Variants in WWOX observed in about 807,000 individuals in gnomAD.
WWOX encodes WW domain containing oxidoreductase.
In WWOX, 69 loss-of-function variants were observed where a neutral mutation model predicts 46.2. That is an observed-to-expected ratio of 1.49 (90% CI 1.23 to 1.82). WWOX has a LOEUF of 1.82. Ranked by LOEUF, WWOX falls within the 40% of genes most tolerant of loss-of-function variation. WWOX has a pLI of 0.00. For missense variants in WWOX, 919 were observed against 542.6 expected, an observed-to-expected ratio of 1.69 and a Z score of -6.89; for synonymous variants, 359 against 202.6, an observed-to-expected ratio of 1.77 and a Z score of -6.56.
intron 6 of WWOX, among the ~76,000 whole-genome samples, chr16:78,401,081 A>G (rs932218309): frequency 2.0e-5 from 3 of 152,212 alleles, no homozygotes. Context: ...CTGCCTCCCA[A>G]AATACTGGGA....
intron 5 of WWOX, among the ~76,000 whole-genome samples, chr16:78,257,803 C>A (rs998716595): frequency 6.6e-6 from 1 of 152,198 alleles, no homozygotes; most frequent in Non-Finnish European, 1.5e-5. Context: ...AAACTCTTAG[C>A]CTTCTAAGAC....
chr16:78,121,892 A>G (rs1459506900), intron 4 of WWOX, among the ~76,000 whole-genome samples: 12 of 152,056 alleles, frequency 7.9e-5, no homozygotes, highest in Admixed American at 7.9e-4. Context: ...AACTCCTGAC[A>G]TTAGGCAATC....
chr16:78,979,424 G>A (rs1015706081), intron 8 of WWOX, among the ~76,000 whole-genome samples: 6 of 152,074 alleles, frequency 3.9e-5, no homozygotes, highest in African/African-American at 7.3e-5. Context: ...TGTCTGTCTC[G>A]GAATACGTAC....
At chr16:78,176,277 G>A (rs2035341928) in intron 5 of WWOX, among the ~76,000 whole-genome samples, 2 of 152,178 alleles carry the variant, frequency 1.3e-5, no homozygotes, top group Non-Finnish European at 2.9e-5. Flanking sequence ...TTGGCAGTGA[G>A]ACTGGCCCCA....
In WWOX at chr16:79,212,250, G is replaced by T; in HGVS notation, c.*454G>T. 7.5e-7 allele frequency: 1 copy of T among 1,332,180 alleles called. No individual in the cohort carries two copies. Among genetic ancestry groups the T allele is most frequent in the Non-Finnish European group, 9.9e-7 (1 of 1,006,996 alleles). The allele number at this position is 1,332,180 out of a possible 1,614,324, so 82.5% of individuals were successfully genotyped here. On this transcript the variant is annotated 3_prime_UTR_variant, in exon 9 of 9. Coordinates refer to ENST00000566780, the MANE Select transcript of WWOX (RefSeq NM_016373.4). ...ACTGCTCCTTGCTGCATTGATCCAG[G>T]AGATAATTGTTTCATTCATCCTGAC...
At chr16:78,108,904 C>G (rs1003773119) in intron 2 of WWOX, among the ~76,000 whole-genome samples, 6 of 152,302 alleles carry the variant, frequency 3.9e-5, no homozygotes, top group South Asian at 2.1e-4. Context: ...ACGAGAAGTG[C>G]TCAAACCCAG....
rs192165207 is a variant in WWOX at position 78,168,890 on chromosome 16, G to A, written c.516+4601G>A. ...ACTACTAATTATTTCATGGGAAAAT[G>A]CCCTCCTGCTGAGATGTTTTAGATG... On this transcript the variant is annotated intron_variant, in intron 5 of 8. Transcript: ENST00000566780. Among the ~76,000 whole-genome samples the A allele has an allele frequency of 2.1e-3, 319 of 152,236 alleles. 2 individuals are homozygous for A. The highest frequency in any genetic ancestry group is 6.2e-3 in the African/African-American group (258 of 41,552).
chr16:78,842,617 A>G (rs113421408), intron 8 of WWOX, among the ~76,000 whole-genome samples: 245 of 152,308 alleles, frequency 1.6e-3, no homozygotes, highest in African/African-American at 5.6e-3. Context: ...TAATCCCAGC[A>G]CTTTGGGAGG....
chr16:78,325,361 T>C (rs2080588266), intron 5 of WWOX, among the ~76,000 whole-genome samples: 1 of 152,244 alleles, frequency 6.6e-6, no homozygotes, highest in African/African-American at 2.4e-5. Flanking sequence ...GATTAAATAT[T>C]GAGACTATTG....
At chr16:78,958,409 A>T (rs907627143) in intron 8 of WWOX, among the ~76,000 whole-genome samples, 1 of 152,232 alleles carries the variant, frequency 6.6e-6, no homozygotes, top group Admixed American at 6.5e-5. Flanking sequence ...AAATGGATAG[A>T]GTTCATGGAT....
At chr16:78,165,331 G>C (rs556182403) in intron 5 of WWOX, among the ~76,000 whole-genome samples, 1 of 152,208 alleles carries the variant, frequency 6.6e-6, no homozygotes, top group Non-Finnish European at 1.5e-5. Context: ...GACAACAGAC[G>C]TTGCCACTGT....
At chr16:79,196,585 G>C (rs2051244908) in intron 8 of WWOX, 2 of 152,088 alleles carry the variant, frequency 1.3e-5, no homozygotes, top group South Asian at 2.1e-4. Context: ...AATCCCATAA[G>C]CAGCCCTAGC....
At chr16:78,580,239 A>G (rs1173839338) in intron 8 of WWOX, among the ~76,000 whole-genome samples, 1 of 151,950 alleles carries the variant, frequency 6.6e-6, no homozygotes, top group Admixed American at 6.6e-5. Flanking sequence ...ATGCCCGGCT[A>G]GCTTTTGTAT....
intron 8 of WWOX, chr16:79,016,682 C>T (rs965337252): frequency 6.6e-6 from 1 of 151,914 alleles, no homozygotes; most frequent in African/African-American, 2.4e-5. Context: ...ATCGGCTTCC[C>T]AAAGTGCTGG....
chr16:78,299,142 C>T (rs1297723098), intron 5 of WWOX, among the ~76,000 whole-genome samples: 1 of 152,152 alleles, frequency 6.6e-6, no homozygotes, highest in African/African-American at 2.4e-5. Flanking sequence ...CTGAAGAACC[C>T]AGAAGACTGA....
chr16:78,331,088 G>C (rs1010502289), intron 5 of WWOX, among the ~76,000 whole-genome samples: 2 of 152,084 alleles, frequency 1.3e-5, no homozygotes, highest in Non-Finnish European at 2.9e-5. Flanking sequence ...TTAAAATATA[G>C]ATTTTTTTCA....
At chr16:78,447,945 A>G (rs1300645075) in intron 8 of WWOX, among the ~76,000 whole-genome samples, 2 of 152,154 alleles carry the variant, frequency 1.3e-5, no homozygotes, top group South Asian at 4.1e-4. Context: ...CTGGGATTAC[A>G]GGCACCCACC....
intron 8 of WWOX, among the ~76,000 whole-genome samples, chr16:78,817,923 T>C (rs1442029444): frequency 6.6e-6 from 1 of 152,164 alleles, no homozygotes; most frequent in Non-Finnish European, 1.5e-5. Context: ...GGAAGGAGAC[T>C]CTGAGTGCAA....
intron 5 of WWOX, among the ~76,000 whole-genome samples, chr16:78,191,603 T>A (rs184469004): frequency 9.7e-4 from 147 of 152,274 alleles, no homozygotes; most frequent in African/African-American, 3.4e-3. Flanking sequence ...CTTTTTTCCC[T>A]CTCCTATACA....
Sources: allele counts gnomAD v4.1 joint callset (sites outside exome capture counted in the v4.1 genomes callset), GRCh38; gene constraint gnomAD v4.1.1; transcripts MANE v1.5; gene names NCBI Gene and HGNC (gene_info 2026-07-23, HGNC 2026-07-21).